The following SEMA5B variants were observed in gnomAD, a reference collection of about 807,000 sequenced individuals.
SEMA5B encodes the protein semaphorin 5B.
SEMA5B carries 66 observed loss-of-function variants against 135.0 expected under a neutral mutation model. That is an observed-to-expected ratio of 0.49 (90% CI 0.40 to 0.60). The LOEUF is 0.60. Among genes scored for constraint, SEMA5B ranks in the 20% least tolerant of loss-of-function variants. The pLI is 0.00. For missense variants in SEMA5B, 1,501 were observed against 1,566.3 expected (o/e 0.96, Z 0.70); for synonymous variants, 690 against 639.5 (o/e 1.08, Z -1.19).
At chr3:122,999,417 G>A (rs1365996270) in intron 1 of SEMA5B, among the ~76,000 whole-genome samples, 1 of 151,940 alleles carries the variant, frequency 6.6e-6, no homozygotes, top group Non-Finnish European at 1.5e-5. Context: ...TAGAGATGGG[G>A]TTTCCCCATG....
At chr3:122,984,027 C>T (rs1484504161) in intron 1 of SEMA5B, among the ~76,000 whole-genome samples, 3 of 152,202 alleles carry the variant, frequency 2.0e-5, no homozygotes, top group Non-Finnish European at 4.4e-5. Flanking sequence ...CATCATTGGT[C>T]CTACGTGCAG....
intron 2 of SEMA5B, among the ~76,000 whole-genome samples, chr3:122,952,961 G>A (rs1047427272): frequency 1.3e-5 from 2 of 152,156 alleles, no homozygotes; most frequent in African/African-American, 4.8e-5. Flanking sequence ...GTACTGCACA[G>A]GGAGTTATCC....
At chr3:122,995,509 A>G (rs992520042) in intron 1 of SEMA5B, among the ~76,000 whole-genome samples, 1 of 152,198 alleles carries the variant, frequency 6.6e-6, no homozygotes, top group African/African-American at 2.4e-5. Context: ...CTTGATTCAT[A>G]CCTGAAAGCG....
In SEMA5B at chr3:122,928,579, C is replaced by G; in HGVS notation, c.574G>C (p.Ala192Pro). The G allele has an allele frequency of 6.4e-7, 1 of 1,562,946 alleles. No individual in the cohort carries two copies. Among genetic ancestry groups the G allele is most frequent in the Non-Finnish European group, 8.7e-7 (1 of 1,152,990 alleles). Reference protein sequence around the residue: ...CQNYVRVLIVAGRKVFMCGTN... With the variant: ...CQNYVRVLIVPGRKVFMCGTN... ...CCACACATGAACACCTTCCGGCCGGCGACGATCAGGACTCGCACGTAGTTC... is the reference window on the plus strand; with the variant it reads ...CCACACATGAACACCTTCCGGCCGGGGACGATCAGGACTCGCACGTAGTTC... The change falls in exon 7 of 23, where the codon GCC becomes CCC. Residue 192 changes from alanine to proline, a missense_variant. By Grantham distance (27) the Ala-to-Pro change is conservative (BLOSUM62 -1). Coordinates refer to ENST00000357599, the MANE Select transcript of SEMA5B (RefSeq NM_001031702.4).
At chr3:122,930,024 A>G (rs976964265) in intron 5 of SEMA5B, among the ~76,000 whole-genome samples, 3 of 152,180 alleles carry the variant, frequency 2.0e-5, no homozygotes, top group Non-Finnish European at 1.5e-5. Context: ...TGAACTGCCT[A>G]TCTGTCCTGG....
At chr3:122,998,022 G>T (rs1156300290) in intron 1 of SEMA5B, among the ~76,000 whole-genome samples, 2 of 152,210 alleles carry the variant, frequency 1.3e-5, no homozygotes, top group Non-Finnish European at 2.9e-5. Flanking sequence ...GCCATGGTGA[G>T]CTCGGTGACA....
chr3:122,979,460 G>T (rs1941449224), intron 1 of SEMA5B, among the ~76,000 whole-genome samples: 2 of 152,188 alleles, frequency 1.3e-5, no homozygotes, highest in African/African-American at 4.8e-5. Context: ...TTTACTTCCT[G>T]CTGTGTAAAT....
In SEMA5B at chr3:123,004,733, T is replaced by C. The variant is rs980416917; in HGVS notation, c.-39+22731A>G. ...GGCCTCCCACCAGGCTCCTCCACAC[T>C]GATGGAAATTGATTGCACCTCATTT... On this transcript the variant is annotated intron_variant, in intron 1 of 22. Coordinates refer to ENST00000357599, the MANE Select transcript of SEMA5B (RefSeq NM_001031702.4). Among the ~76,000 whole-genome samples the C allele has an allele frequency of 2.2e-4, 33 of 152,184 alleles. 1 individual carries two copies. Among genetic ancestry groups the C allele is most frequent in the Admixed American group, 2.6e-4 (4 of 15,288 alleles).
intron 22 of SEMA5B, 95 bp from the exon 23 acceptor site, chr3:122,910,396 G>T: frequency 7.6e-7 from 1 of 1,318,894 alleles, no homozygotes; most frequent in Non-Finnish European, 1.1e-6. Context: ...AGCCGTGCAA[G>T]AACACTCAGA....
chr3:122,976,415 G>A (rs1310777672), intron 1 of SEMA5B, among the ~76,000 whole-genome samples: 1 of 152,156 alleles, frequency 6.6e-6, no homozygotes, highest in Admixed American at 6.5e-5. Flanking sequence ...AGAGAGAAAT[G>A]ATGGGTTAGA....
rs1177155531 is a variant in SEMA5B, at chr3:122,910,172, G to T, written c.3427C>A (p.Pro1143Thr). 1 of 1,614,208 alleles carries T rather than the reference G, an allele frequency of 6.2e-7. No homozygotes were observed. The highest frequency in any genetic ancestry group is 2.2e-5 in the East Asian group (1 of 44,890). The change falls in exon 23 of 23, where the codon CCT becomes ACT. Residue 1143 changes from proline to threonine, a missense_variant. Pro to Thr is a conservative substitution (Grantham distance 38). Around this residue, in one of 2 missense-constraint regions of SEMA5B, gnomAD observed 927 missense variants for 881.6 expected, o/e 1.05. Coordinates refer to ENST00000357599, the MANE Select transcript of SEMA5B (RefSeq NM_001031702.4). ...NKHSFRPEAS[P>T]GQRCFPNS The stretch of plus-strand genomic sequence containing the variant: ...CTGTTGGGGAAGCACCGTTGTCCAG[G>T]TGAGGCCTCGGGCCGGAAGCTGTGT...
intron 12 of SEMA5B, among the ~76,000 whole-genome samples, chr3:122,916,737 C>T (rs1380838079): frequency 2.0e-5 from 3 of 152,146 alleles, no homozygotes; most frequent in African/African-American, 7.2e-5. Flanking sequence ...GGGTACTGTC[C>T]ATGGTCACCT....
Position 122,942,838 on chromosome 3 carries a change from C to T in SEMA5B, c.428+598G>A, listed in dbSNP as rs189125965. Among the ~76,000 whole-genome samples, 333 of 152,274 alleles carry T rather than the reference C, an allele frequency of 2.2e-3. 1 individual carries two copies. Among genetic ancestry groups the T allele is most frequent in the African/African-American group, 7.5e-3 (312 of 41,564 alleles). ...CACCATGAGAGCTACTGGGGTCGGC[C>T]CTCTCTAAGCCCCCTCCCTACCAGA... On this transcript the variant is annotated intron_variant, in intron 4 of 22. Transcript: ENST00000357599.
At chr3:122,926,701 G>GGGGCA (rs1560307325) in intron 8 of SEMA5B, 24 bp from the exon 9 acceptor site, 1 of 1,604,394 alleles carries the variant, frequency 6.2e-7, no homozygotes, top group East Asian at 2.2e-5. Flanking sequence ...AGAGGAACAA[G>GGGGCA]GGGCAGGGCA....
chr3:122,984,734 A>G (rs1339665671), intron 1 of SEMA5B, among the ~76,000 whole-genome samples: 1 of 152,200 alleles, frequency 6.6e-6, no homozygotes, highest in Non-Finnish European at 1.5e-5. Context: ...AGGAAAATTT[A>G]AATTGAAAAA....
At chr3:122,985,725 A>G (rs866053024) in intron 1 of SEMA5B, among the ~76,000 whole-genome samples, 3 of 152,184 alleles carry the variant, frequency 2.0e-5, no homozygotes, top group African/African-American at 4.8e-5. Context: ...GTGAGCTCGG[A>G]GAAAGCTAGG....
At chr3:122,975,907 C>T in intron 1 of SEMA5B, 1 of 1,481,572 alleles carries the variant, frequency 6.7e-7, no homozygotes, top group Non-Finnish European at 9.0e-7. Context: ...CCTCAGACTC[C>T]CTCTCCTGCC....
intron 5 of SEMA5B, among the ~76,000 whole-genome samples, chr3:122,936,979 A>G (rs1327393820): frequency 6.6e-6 from 1 of 152,262 alleles, no homozygotes; most frequent in East Asian, 1.9e-4. Flanking sequence ...GTTTACATTT[A>G]GATTTTTCTT....
intron 1 of SEMA5B, among the ~76,000 whole-genome samples, chr3:122,987,835 G>C (rs1941749056): frequency 6.6e-6 from 1 of 152,064 alleles, no homozygotes; most frequent in African/African-American, 2.4e-5. Flanking sequence ...TTGGGGTTGG[G>C]TTTTTGAAAT....
Sources: gnomAD v4.1 joint callset for allele counts (sites outside exome capture counted in the v4.1 genomes callset) on GRCh38, gnomAD v4.1.1 for gene constraint, gnomAD v4.1.1 regional missense constraint, MANE v1.5 for transcripts, NCBI Gene and HGNC (gene_info 2026-07-23, HGNC 2026-07-21) for gene names.